PDLIM5: variants seen among roughly 807,000 people sequenced by gnomAD.
PDLIM5 encodes PDZ and LIM domain protein 5.
A neutral mutation model predicts 64.2 loss-of-function variants in PDLIM5; 34 were observed. The observed-to-expected ratio is 0.53, with a 90% CI of 0.40 to 0.71. PDLIM5 has a LOEUF of 0.71. PDLIM5 is among the 30% of genes least tolerant of loss of function. The probability of loss-of-function intolerance (pLI) is 0.00; values close to 1 mark genes in which losing one functional copy is unlikely to be tolerated. For synonymous variants in PDLIM5, 253 were observed against 269.1 expected (o/e 0.94, Z 0.59); for missense variants, 683 against 733.6 (o/e 0.93, Z 0.80).
chr4:94,478,896 T>G (rs1725581489), intron 2 of PDLIM5, among the ~76,000 whole-genome samples: 1 of 54,586 alleles, frequency 1.8e-5, no homozygotes, highest in African/African-American at 6.7e-5. Context: ...TGGTGTTTTT[T>G]TTTTTTTTTT....
chr4:94,614,025 C>T (rs914440629), intron 7 of PDLIM5, among the ~76,000 whole-genome samples: 1 of 135,368 alleles, frequency 7.4e-6, no homozygotes, highest in Admixed American at 8.4e-5. Context: ...TGCAGTGGTG[C>T]GATCTCAGTT....
intron 3 of PDLIM5, among the ~76,000 whole-genome samples, chr4:94,556,137 T>A (rs1396675086): frequency 6.8e-6 from 1 of 146,834 alleles, no homozygotes; most frequent in East Asian, 2.2e-4. Context: ...TTCCCACCTA[T>A]GAGTGAGAAC....
At chr4:94,536,828 A>G (rs531981960) in intron 3 of PDLIM5, among the ~76,000 whole-genome samples, 6 of 152,282 alleles carry the variant, frequency 3.9e-5, no homozygotes, top group Admixed American at 6.5e-5. Flanking sequence ...GTCATTCCCA[A>G]CTGTTTTCCA....
At chr4:94,485,052 G>T (rs1208648779) in intron 2 of PDLIM5, among the ~76,000 whole-genome samples, 1 of 152,010 alleles carries the variant, frequency 6.6e-6, no homozygotes. Context: ...CCTCCATCAC[G>T]TGTGTTTCTG....
chr4:94,473,355 G>A (rs577473030), intron 2 of PDLIM5, among the ~76,000 whole-genome samples: 6 of 152,186 alleles, frequency 3.9e-5, no homozygotes, highest in African/African-American at 1.2e-4. Context: ...TCCACCTCCC[G>A]GGTTCAAGCA....
At chr4:94,627,570 C>T (rs1046378689) in intron 8 of PDLIM5, among the ~76,000 whole-genome samples, 1 of 152,192 alleles carries the variant, frequency 6.6e-6, no homozygotes, top group Admixed American at 6.5e-5. Context: ...ATCTGGCCCA[C>T]CACTGATTTT....
At position 94,459,958 on chromosome 4, in the gene PDLIM5, A is replaced by G. The variant is rs1723728847; in HGVS notation, c.96+4574A>G. ...GCTGCAGTTTCCCTCCTACCGGAAGACAGAAAGACTTTCAGTCCTCAAGCT... is the reference window on the plus strand; with the variant it reads ...GCTGCAGTTTCCCTCCTACCGGAAGGCAGAAAGACTTTCAGTCCTCAAGCT... On this transcript the variant is annotated intron_variant, in intron 2 of 12. Transcript: ENST00000317968. Among the ~76,000 whole-genome samples, 2 of 152,226 alleles carry G rather than the reference A, an allele frequency of 1.3e-5. 1 individual carries two copies. Among genetic ancestry groups the G allele is most frequent in the South Asian group, 4.1e-4 (2 of 4,834 alleles).
chr4:94,488,094 T>C (rs1022730354), intron 2 of PDLIM5, among the ~76,000 whole-genome samples: 1 of 152,208 alleles, frequency 6.6e-6, no homozygotes, highest in Non-Finnish European at 1.5e-5. Flanking sequence ...CCCATTCCTT[T>C]TGGTGAATGC....
chr4:94,478,920 G>A (rs1400905324), intron 2 of PDLIM5, among the ~76,000 whole-genome samples: 26 of 90,974 alleles, frequency 2.9e-4, no homozygotes, highest in East Asian at 1.3e-3. Context: ...TTTTTTTTAA[G>A]ACAGGGTCTT....
chr4:94,620,301 G>T (rs1022987704), intron 8 of PDLIM5, among the ~76,000 whole-genome samples: 3 of 152,122 alleles, frequency 2.0e-5, no homozygotes, highest in Non-Finnish European at 4.4e-5. Flanking sequence ...GAGTGCGGTG[G>T]CTCCTGAGGA....
chr4:94,494,898 G>A (rs1318222713), intron 2 of PDLIM5, among the ~76,000 whole-genome samples: 3 of 151,970 alleles, frequency 2.0e-5, no homozygotes, highest in Admixed American at 6.6e-5. Flanking sequence ...ACAGGTGCAC[G>A]TCGCCACGCC....
intron 9 of PDLIM5, among the ~76,000 whole-genome samples, chr4:94,643,872 C>A (rs915078912): frequency 5.9e-5 from 9 of 152,052 alleles, no homozygotes; most frequent in African/African-American, 2.2e-4. Context: ...CCTGTTTTAC[C>A]ATTTATTTCA....
intron 2 of PDLIM5, among the ~76,000 whole-genome samples, chr4:94,495,676 C>T (rs1389963972): frequency 1.3e-5 from 2 of 152,194 alleles, no homozygotes; most frequent in Admixed American, 1.3e-4. Context: ...AGCCCCACTC[C>T]CTTAAACCAT....
intron 5 of PDLIM5, chr4:94,584,661 C>G: frequency 3.6e-6 from 1 of 277,714 alleles, no homozygotes; most frequent in South Asian, 7.3e-5. Flanking sequence ...TAGTTCGGAC[C>G]CTTTTCAAAA....
chr4:94,500,893 C>T (rs1461788046), intron 2 of PDLIM5, among the ~76,000 whole-genome samples: 2 of 152,088 alleles, frequency 1.3e-5, no homozygotes, highest in African/African-American at 4.8e-5. Context: ...AAATGGTCCT[C>T]CTATCTCAAG....
intron 7 of PDLIM5, among the ~76,000 whole-genome samples, chr4:94,611,430 C>T (rs1362695735): frequency 6.6e-6 from 1 of 152,174 alleles, no homozygotes; most frequent in African/African-American, 2.4e-5. Flanking sequence ...CCTTAGCATA[C>T]TTGATGTTTG....
Position 94,526,734 on chromosome 4 carries a change from C to CTTTTTTTTTTTTT in PDLIM5, c.248+2862_248+2863insTTTTTTTTTTTTT, listed in dbSNP as rs33968218. 2.0e-5 allele frequency among the ~76,000 whole-genome samples: 3 copies of CTTTTTTTTTTTTT among 147,246 alleles called. 1 individual carries two copies. The highest frequency in any genetic ancestry group is 4.5e-5 in the Non-Finnish European group (3 of 66,892). The stretch of plus-strand genomic sequence containing the variant: ...TTCCAAGTTTGAACAGCATTTCTTT[C>CTTTTTTTTTTTTT]TTTCTTTTTTTTTTTGAGACTGAAT... On this transcript the variant is annotated intron_variant, in intron 3 of 12. Coordinates refer to ENST00000317968, the MANE Select transcript of PDLIM5 (RefSeq NM_006457.5).
At chr4:94,519,899 T>C (rs1483266545) in intron 2 of PDLIM5, among the ~76,000 whole-genome samples, 1 of 152,180 alleles carries the variant, frequency 6.6e-6, no homozygotes, top group Non-Finnish European at 1.5e-5. Context: ...CTGGACTTCC[T>C]TTTCAAGAGA....
intron 9 of PDLIM5, among the ~76,000 whole-genome samples, chr4:94,646,216 C>T (rs1741401753): frequency 6.6e-6 from 1 of 152,116 alleles, no homozygotes; most frequent in Non-Finnish European, 1.5e-5. Context: ...AATTCCAGTA[C>T]CTCAGAATGG....
Sources: allele counts gnomAD v4.1 joint callset (sites outside exome capture counted in the v4.1 genomes callset), GRCh38; gene constraint gnomAD v4.1.1; transcripts MANE v1.5; gene names NCBI Gene and HGNC (gene_info 2026-07-23, HGNC 2026-07-21).